Variants in ARMC1 observed in about 807,000 individuals in gnomAD.
The protein encoded by ARMC1 is armadillo repeat containing 1.
In ARMC1, 16 loss-of-function variants were observed where a neutral mutation model predicts 31.4. The ratio of observed to expected loss-of-function variants is 0.51; its 90% CI spans 0.34 to 0.77. ARMC1 has a LOEUF of 0.77. Ranked by LOEUF, ARMC1 falls within the 30% of genes least tolerant of loss-of-function variation. The pLI is 0.01. For synonymous variants in ARMC1, 114 were observed against 118.9 expected, an observed-to-expected ratio of 0.96 and a Z score of 0.27; for missense variants, 259 against 347.5, an observed-to-expected ratio of 0.75 and a Z score of 2.02.
At chr8:65,609,868 A>AG (rs1808088104) in intron 4 of ARMC1, among the ~76,000 whole-genome samples, 5 of 44,560 alleles carry the variant, frequency 1.1e-4, no homozygotes, top group Non-Finnish European at 2.9e-4. Flanking sequence ...AAAAAAAAAA[A>AG]AAAAAAAAGA....
intron 3 of ARMC1, among the ~76,000 whole-genome samples, chr8:65,616,583 C>T (rs1346390621): frequency 1.3e-5 from 2 of 152,134 alleles, no homozygotes; most frequent in South Asian, 2.1e-4. Flanking sequence ...AGCGTCTCTG[C>T]CTGGCCGCCC....
chr8:65,627,607 G>A (rs1016756110), intron 1 of ARMC1, among the ~76,000 whole-genome samples, 174 bp from the exon 2 acceptor site: 2 of 152,102 alleles, frequency 1.3e-5, no homozygotes, highest in African/African-American at 4.8e-5. Context: ...AACGTAAGAC[G>A]ACTGAAAAAA....
At chr8:65,612,354 G>A in intron 4 of ARMC1, among the ~76,000 whole-genome samples, 1 of 151,860 alleles carries the variant, frequency 6.6e-6, no homozygotes, top group East Asian at 1.9e-4. Flanking sequence ...TACTCAGGAG[G>A]CTGAGGCAGA....
At chr8:65,624,026 G>A (rs893541938) in intron 2 of ARMC1, among the ~76,000 whole-genome samples, 72 of 149,876 alleles carry the variant, frequency 4.8e-4, no homozygotes, top group Non-Finnish European at 4.7e-4. Flanking sequence ...TTGAACTCCT[G>A]ACCTCAGGTG....
chr8:65,616,258 G>C (rs534519369), intron 3 of ARMC1, among the ~76,000 whole-genome samples: 1 of 151,938 alleles, frequency 6.6e-6, no homozygotes, highest in Non-Finnish European at 1.5e-5. Context: ...TCAGCCTGCC[G>C]AGTGCCTGCG....
intron 2 of ARMC1, among the ~76,000 whole-genome samples, chr8:65,622,732 G>A (rs1377364763): frequency 3.3e-5 from 5 of 151,718 alleles, no homozygotes; most frequent in African/African-American, 7.3e-5. Context: ...AAAAGGTGGC[G>A]GGGGGAACGA....
At chr8:65,611,541 A>G (rs766701181) in intron 4 of ARMC1, among the ~76,000 whole-genome samples, 3 of 151,858 alleles carry the variant, frequency 2.0e-5, no homozygotes, top group Non-Finnish European at 2.9e-5. Flanking sequence ...TGACACGAAC[A>G]TAGATCACCA....
chr8:65,618,604 G>A (rs982779753), intron 3 of ARMC1, among the ~76,000 whole-genome samples: 14 of 151,656 alleles, frequency 9.2e-5, no homozygotes, highest in Non-Finnish European at 1.9e-4. Flanking sequence ...CAATTTCAGT[G>A]GAATTATGTC....
intron 3 of ARMC1, among the ~76,000 whole-genome samples, chr8:65,618,651 C>A (rs892019375): frequency 6.6e-6 from 1 of 151,984 alleles, no homozygotes; most frequent in African/African-American, 2.4e-5. Context: ...AGTCTCAACA[C>A]AGACATTTAA....
chr8:65,629,527 G>T (rs541487952), intron 1 of ARMC1, among the ~76,000 whole-genome samples: 35 of 152,178 alleles, frequency 2.3e-4, no homozygotes, highest in African/African-American at 8.2e-4. Flanking sequence ...CCAGATGGGC[G>T]CGGTGGCTCA....
intron 4 of ARMC1, among the ~76,000 whole-genome samples, chr8:65,608,238 G>A (rs935059833): frequency 4.6e-5 from 7 of 151,998 alleles, no homozygotes; most frequent in Admixed American, 6.6e-5. Context: ...TTAAAAGTTC[G>A]ATTCTGGGCC....
At chr8:65,633,638 T>C (rs1320727662) in intron 1 of ARMC1, 1 of 152,218 alleles carries the variant, frequency 6.6e-6, no homozygotes, top group African/African-American at 2.4e-5. Flanking sequence ...TCTCTTGAAT[T>C]AAGCCTAACA....
intron 4 of ARMC1, among the ~76,000 whole-genome samples, chr8:65,610,129 G>A (rs1463733753): frequency 6.6e-6 from 1 of 151,804 alleles, no homozygotes; most frequent in Non-Finnish European, 1.5e-5. Context: ...ACGGGATCTC[G>A]CCCTGTCGCC....
intron 2 of ARMC1, 78 bp downstream of exon 2, chr8:65,627,138 G>T: frequency 7.4e-7 from 1 of 1,354,626 alleles, no homozygotes; most frequent in Non-Finnish European, 1.0e-6. Context: ...TTTTTACCTT[G>T]TCATCTAGCA....
chr8:65,610,382 C>T (rs545361774), intron 4 of ARMC1, among the ~76,000 whole-genome samples: 2 of 152,048 alleles, frequency 1.3e-5, no homozygotes, highest in South Asian at 4.1e-4. Flanking sequence ...TAGGCGTGAC[C>T]CACTGTGCCC....
chr8:65,602,820 C>CTTTTTTTTTTTTTTTTT lies in ARMC1; in HGVS notation c.*1573_*1574insAAAAAAAAAAAAAAAAA, dbSNP rs557383084. ...ATAGGTGCCCTGAAAGTTATTGTTGCTTTTTTTGTTTTTTTTTTTTCAGTT... is the reference window on the plus strand; with the variant it reads ...ATAGGTGCCCTGAAAGTTATTGTTGCTTTTTTTTTTTTTTTTTTTTTTTTGTTTTTTTTTTTTCAGTT... On this transcript the variant is annotated 3_prime_UTR_variant, in exon 7 of 7. Coordinates refer to ENST00000276569, the MANE Select transcript of ARMC1 (RefSeq NM_018120.6). 2 of 137,518 alleles carry CTTTTTTTTTTTTTTTTT rather than the reference C, an allele frequency of 1.5e-5. No individual in the cohort carries two copies. Among genetic ancestry groups the CTTTTTTTTTTTTTTTTT allele is most frequent in the Non-Finnish European group, 1.6e-5 (1 of 62,676 alleles). The allele number at this position is 137,518 out of a possible 1,614,324, so 8.5% of individuals were successfully genotyped here.
intron 4 of ARMC1, among the ~76,000 whole-genome samples, chr8:65,611,326 A>C (rs1013783523): frequency 4.6e-4 from 70 of 152,122 alleles, no homozygotes; most frequent in African/African-American, 1.7e-3. Flanking sequence ...TTTATTCTTG[A>C]TCTGTCTGAC....
At chr8:65,628,961 C>T (rs1184738615) in intron 1 of ARMC1, among the ~76,000 whole-genome samples, 1 of 152,012 alleles carries the variant, frequency 6.6e-6, no homozygotes, top group Non-Finnish European at 1.5e-5. Flanking sequence ...CAAGACCAGC[C>T]TGGTCAACAT....
chr8:65,622,383 C>A (rs201309127), intron 2 of ARMC1, 29 bp from the exon 3 acceptor site: 2 of 1,581,468 alleles, frequency 1.3e-6, no homozygotes, highest in South Asian at 2.2e-5. Context: ...TAAGTTAATT[C>A]GTCTGTCCAG....
Sources: gnomAD v4.1 joint callset for allele counts (sites outside exome capture counted in the v4.1 genomes callset) on GRCh38, gnomAD v4.1.1 for gene constraint, MANE v1.5 for transcripts, NCBI Gene and HGNC (gene_info 2026-07-23, HGNC 2026-07-21) for gene names.